The following EIF2B3 variants were observed in gnomAD, a reference collection of about 807,000 sequenced individuals.
EIF2B3 encodes eukaryotic translation initiation factor 2B subunit gamma, also known as translation initiation factor eIF2B subunit gamma.
In EIF2B3, 20 loss-of-function variants were observed where a neutral mutation model predicts 54.1. That is an observed-to-expected ratio of 0.37 (90% CI 0.26 to 0.54). The LOEUF is 0.54. Ranked by LOEUF, EIF2B3 falls within the 20% of genes least tolerant of loss-of-function variation. The pLI is 0.86. For synonymous variants in EIF2B3, 153 were observed against 188.1 expected, an observed-to-expected ratio of 0.81 and a Z score of 1.52; for missense variants, 448 against 547.8, an observed-to-expected ratio of 0.82 and a Z score of 1.82.
intron 11 of EIF2B3, among the ~76,000 whole-genome samples, chr1:44,851,541 A>G (rs1453443608): frequency 6.6e-6 from 1 of 152,140 alleles, no homozygotes; most frequent in Non-Finnish European, 1.5e-5. Context: ...AGGAGAACTG[A>G]AACTGGGTCT....
At chr1:44,942,414 T>TAC (rs1553177397) in intron 3 of EIF2B3, among the ~76,000 whole-genome samples, 2 of 17,722 alleles carry the variant, frequency 1.1e-4, no homozygotes, top group Non-Finnish European at 1.0e-4. Context: ...TATATATATA[T>TAC]ATATTTTTTT....
chr1:44,880,562 G>C (rs930462934), intron 7 of EIF2B3, among the ~76,000 whole-genome samples: 11 of 152,158 alleles, frequency 7.2e-5, no homozygotes, highest in Non-Finnish European at 1.2e-4. Flanking sequence ...AGAACTTGGA[G>C]CCCAGAGTAC....
intron 3 of EIF2B3, among the ~76,000 whole-genome samples, chr1:44,977,004 A>T (rs1644459426): frequency 6.6e-6 from 1 of 152,210 alleles, no homozygotes; most frequent in Non-Finnish European, 1.5e-5. Context: ...TGTATAAATT[A>T]TTCCTCAATA....
intron 6 of EIF2B3, among the ~76,000 whole-genome samples, chr1:44,882,980 A>G (rs1478887161): frequency 1.6e-5 from 2 of 124,544 alleles, no homozygotes; most frequent in African/African-American, 3.2e-5. Context: ...CCCAGGCTGG[A>G]GTGTAGCGGT....
At chr1:44,943,974 A>C (rs545302289) in intron 3 of EIF2B3, among the ~76,000 whole-genome samples, 1 of 151,866 alleles carries the variant, frequency 6.6e-6, no homozygotes, top group South Asian at 2.1e-4. Flanking sequence ...GTGAAACCCT[A>C]TCTCTACTAA....
At chr1:44,957,606 CA>C (rs1644241434) in intron 3 of EIF2B3, among the ~76,000 whole-genome samples, 3 of 151,754 alleles carry the variant, frequency 2.0e-5, no homozygotes, top group Middle Eastern at 3.4e-3. Flanking sequence ...ACTAAAAATA[CA>C]AAAATCAGCT....
chr1:44,969,817 ATTC>A (rs567174962), intron 3 of EIF2B3, among the ~76,000 whole-genome samples: 344 of 152,316 alleles, frequency 2.3e-3, no homozygotes, highest in African/African-American at 7.9e-3. Flanking sequence ...AATTATCATT[ATTC>A]TTATTAGTTG....
intron 10 of EIF2B3, among the ~76,000 whole-genome samples, chr1:44,858,755 G>A (rs1310207244): frequency 6.6e-6 from 1 of 151,894 alleles, no homozygotes; most frequent in Admixed American, 6.6e-5. Flanking sequence ...GTGAGCCACC[G>A]CACCTGGCCT....
intron 5 of EIF2B3, among the ~76,000 whole-genome samples, chr1:44,898,256 A>G (rs1656045656): frequency 6.6e-6 from 1 of 152,164 alleles, no homozygotes; most frequent in Admixed American, 6.5e-5. Context: ...TTCCTCTAGG[A>G]ATCCTTCACT....
intron 6 of EIF2B3, among the ~76,000 whole-genome samples, chr1:44,882,936 T>C (rs553030391): frequency 1.7e-4 from 25 of 144,842 alleles, no homozygotes; most frequent in African/African-American, 6.3e-4. Context: ...TTCTTTTTTT[T>C]TTTTTTTTTT....
intron 11 of EIF2B3, among the ~76,000 whole-genome samples, chr1:44,854,795 G>C (rs549368270): frequency 1.3e-5 from 2 of 151,798 alleles, no homozygotes; most frequent in Admixed American, 6.6e-5. Context: ...CTCCATGTTG[G>C]TCAGGCTGGT....
intron 5 of EIF2B3, among the ~76,000 whole-genome samples, chr1:44,904,916 A>T (rs1475154539): frequency 6.6e-6 from 1 of 152,194 alleles, no homozygotes; most frequent in Non-Finnish European, 1.5e-5. Context: ...TTTAGAAGAA[A>T]CTAGAGACCA....
intron 5 of EIF2B3, among the ~76,000 whole-genome samples, chr1:44,919,901 T>A (rs80126650): frequency 2.7e-5 from 4 of 149,116 alleles, no homozygotes; most frequent in Admixed American, 2.0e-4. Context: ...TTTTTTTTTT[T>A]AGTAGATATG....
At chr1:44,891,077 G>GAA (rs112320808) in intron 6 of EIF2B3, among the ~76,000 whole-genome samples, 2 of 151,460 alleles carry the variant, frequency 1.3e-5, no homozygotes, top group African/African-American at 4.9e-5. Context: ...CGGTAGATGG[G>GAA]AAAAAAAAGA....
intron 4 of EIF2B3, chr1:44,940,651 G>A (rs1362868239): frequency 2.0e-5 from 3 of 153,496 alleles, no homozygotes; most frequent in South Asian, 2.0e-4. Flanking sequence ...TGTGCATGTA[G>A]TCCCAGCTAC....
intron 3 of EIF2B3, among the ~76,000 whole-genome samples, chr1:44,942,385 A>ATT (rs1644034290): frequency 2.6e-4 from 2 of 7,582 alleles, no homozygotes; most frequent in Non-Finnish European, 4.5e-4. Flanking sequence ...TTTTATATAT[A>ATT]TATATATATA....
chr1:44,984,214 G>C (rs958981304), intron 1 of EIF2B3, among the ~76,000 whole-genome samples: 1 of 151,832 alleles, frequency 6.6e-6, no homozygotes, highest in African/African-American at 2.4e-5. Context: ...AGAGCCAAAA[G>C]AGCGCCAGGC....
intron 11 of EIF2B3, among the ~76,000 whole-genome samples, chr1:44,851,848 T>C (rs1212259338): frequency 2.0e-5 from 3 of 152,202 alleles, no homozygotes; most frequent in Non-Finnish European, 4.4e-5. Context: ...TTATTATTTC[T>C]ATAAAGGTCA....
At chr1:44,927,362 G>T (rs1160190664) in intron 4 of EIF2B3, among the ~76,000 whole-genome samples, 1 of 152,086 alleles carries the variant, frequency 6.6e-6, no homozygotes. Flanking sequence ...GAGCAGGCTG[G>T]TCACATGGCA....
Sources: gnomAD v4.1 joint callset for allele counts (sites outside exome capture counted in the v4.1 genomes callset) on GRCh38, gnomAD v4.1.1 for gene constraint, MANE v1.5 for transcripts, NCBI Gene and HGNC (gene_info 2026-07-23, HGNC 2026-07-21) for gene names.